The following EIF3K variants were observed in gnomAD, a reference collection of about 807,000 sequenced individuals.
EIF3K encodes eIF-3 p28.
In EIF3K, 27 loss-of-function variants were observed where a neutral mutation model predicts 34.2. The observed-to-expected ratio is 0.79, with a 90% CI of 0.58 to 1.09. EIF3K has a LOEUF of 1.09. Among genes scored for constraint, EIF3K ranks in the 50% least tolerant of loss-of-function variants. The pLI is 0.00. For synonymous variants in EIF3K, 105 were observed against 105.7 expected, an observed-to-expected ratio of 0.99 and a Z score of 0.04; for missense variants, 232 against 275.4, an observed-to-expected ratio of 0.84 and a Z score of 1.11.
chr19:38,634,338 C>G (rs1976140399), intron 6 of EIF3K, among the ~76,000 whole-genome samples: 1 of 149,332 alleles, frequency 6.7e-6, no homozygotes, highest in African/African-American at 2.5e-5. Flanking sequence ...GTGGCTCACA[C>G]CTGTAATCCC....
At chr19:38,636,080 G>A (rs183159425) in intron 7 of EIF3K, among the ~76,000 whole-genome samples, 115 of 152,356 alleles carry the variant, frequency 7.5e-4, no homozygotes, top group Admixed American at 1.2e-3. Context: ...TAAACGCCGC[G>A]TGACTGCTGT....
chr19:38,635,128 G>A lies in EIF3K; in HGVS notation c.625+10G>A, dbSNP rs1308971398. Reference sequence around the variant, plus strand: ...AAGATTGACTTTGACAGTGAGTGGTGACCCACGGCCTCGGGCTTTGGGGCT... The same window carrying A: ...AAGATTGACTTTGACAGTGAGTGGTAACCCACGGCCTCGGGCTTTGGGGCT... On this transcript the variant is annotated intron_variant, in intron 7 of 7. Coordinates refer to ENST00000248342, the MANE Select transcript of EIF3K (RefSeq NM_013234.4). 6.2e-7 allele frequency: 1 copy of A among 1,614,006 alleles called. No individual in the cohort carries two copies. The highest frequency in any genetic ancestry group is 1.3e-5 in the African/African-American group (1 of 74,954).
At chr19:38,620,492 C>A in intron 2 of EIF3K, 57 bp downstream of exon 2, 1 of 1,475,298 alleles carries the variant, frequency 6.8e-7, no homozygotes, top group Non-Finnish European at 9.4e-7. Context: ...GGGTGCCACT[C>A]CCAGTACAGG....
At chr19:38,620,554 A>C in intron 2 of EIF3K, 119 bp downstream of exon 2, 1 of 857,112 alleles carries the variant, frequency 1.2e-6, no homozygotes, top group Non-Finnish European at 1.8e-6. Context: ...CTTGGTGTGC[A>C]AGACTAGGAA....
At chr19:38,619,595 AAAAG>A (rs1343064520) in intron 1 of EIF3K, among the ~76,000 whole-genome samples, 2 of 152,206 alleles carry the variant, frequency 1.3e-5, no homozygotes, top group Non-Finnish European at 1.5e-5. Flanking sequence ...CCCCGTCTCT[AAAAG>A]AAAGAAACAA....
intron 3 of EIF3K, among the ~76,000 whole-genome samples, chr19:38,624,492 C>CT (rs1025198139): frequency 3.3e-5 from 5 of 152,190 alleles, no homozygotes; most frequent in South Asian, 2.1e-4. Flanking sequence ...AATCCCGGCA[C>CT]TTTGAGAGGT....
intron 2 of EIF3K, among the ~76,000 whole-genome samples, chr19:38,623,708 CTCTT>C (rs1470764579): frequency 3.3e-5 from 5 of 151,992 alleles, no homozygotes; most frequent in Admixed American, 3.3e-4. Context: ...CTTAATCTCT[CTCTT>C]CTCTGCTCCT....
chr19:38,635,216 T>C, intron 7 of EIF3K, 98 bp downstream of exon 7: 1 of 1,547,506 alleles, frequency 6.5e-7, no homozygotes, highest in Non-Finnish European at 8.8e-7. Context: ...GATCTGCTCG[T>C]GTTCTGGGCT....
intron 4 of EIF3K, 66 bp from the exon 5 acceptor site, chr19:38,632,360 TATAA>T (rs993339287): frequency 2.7e-6 from 4 of 1,478,742 alleles, no homozygotes; most frequent in African/African-American, 2.8e-5. Context: ...ACCCCATCTC[TATAA>T]ATAAATAAAA....
At chr19:38,621,145 A>G (rs1490965157) in intron 2 of EIF3K, among the ~76,000 whole-genome samples, 3 of 151,612 alleles carry the variant, frequency 2.0e-5, no homozygotes, top group Non-Finnish European at 4.4e-5. Flanking sequence ...GCAGTGAGCC[A>G]TGATAGTGCC....
At chr19:38,630,400 A>G (rs1184235996) in intron 4 of EIF3K, among the ~76,000 whole-genome samples, 2 of 147,612 alleles carry the variant, frequency 1.4e-5, no homozygotes, top group African/African-American at 5.0e-5. Context: ...GCTGGAGTTC[A>G]GTGGCACAAT....
At chr19:38,634,796 G>C (rs551937676) in intron 6 of EIF3K, among the ~76,000 whole-genome samples, 197 bp from the exon 7 acceptor site, 6 of 152,292 alleles carry the variant, frequency 3.9e-5, no homozygotes, top group Admixed American at 3.9e-4. Context: ...GGCTCCCTCT[G>C]GCGGCCATTC....
intron 4 of EIF3K, chr19:38,626,405 G>A (rs918324680): frequency 8.7e-6 from 3 of 344,424 alleles, no homozygotes; most frequent in Admixed American, 8.7e-5. Flanking sequence ...CGTGATTCCA[G>A]TACTTGTGGA....
At chr19:38,635,693 CACTT>C (rs2144785911) in intron 7 of EIF3K, 1 of 153,706 alleles carries the variant, frequency 6.5e-6, no homozygotes, top group South Asian at 2.0e-4. Context: ...GCATGTATAA[CACTT>C]AGCAAAGAGC....
intron 3 of EIF3K, among the ~76,000 whole-genome samples, chr19:38,625,518 C>CTTTTTT (rs58008087): frequency 6.9e-6 from 1 of 145,778 alleles, no homozygotes; most frequent in African/African-American, 2.6e-5. Context: ...TTAATATTTT[C>CTTTTTT]TTTTTTTTTG....
At chr19:38,635,481 G>A (rs1395036436) in intron 7 of EIF3K, 4 of 357,806 alleles carry the variant, frequency 1.1e-5, no homozygotes, top group Non-Finnish European at 2.0e-5. Context: ...CTTGGAATCC[G>A]GTGAACAGTA....
At chr19:38,632,282 T>A (rs1461325352) in intron 4 of EIF3K, 148 bp from the exon 5 acceptor site, 2 of 705,896 alleles carry the variant, frequency 2.8e-6, no homozygotes, top group East Asian at 5.5e-5. Flanking sequence ...TCTTAGCACT[T>A]TGGGGGGCTG....
At chr19:38,627,762 G>T (rs1320804695) in intron 4 of EIF3K, among the ~76,000 whole-genome samples, 1 of 151,884 alleles carries the variant, frequency 6.6e-6, no homozygotes, top group African/African-American at 2.4e-5. Context: ...TAACACAGAG[G>T]ATCCTTTGAC....
At position 38,635,090 on chromosome 19, in the gene EIF3K, G is replaced by A. The variant is rs1245572770; in HGVS notation, c.597G>A (p.Lys199=). 6.2e-7 allele frequency: 1 copy of A among 1,614,222 alleles called. No individual in the cohort carries two copies. Among genetic ancestry groups the A allele is most frequent in the Non-Finnish European group, 8.5e-7 (1 of 1,180,050 alleles). ...GCCAAGAAGAGAGCATTAAACCCAAGAACATTGTGGAGAAGATTGACTTTG... is the reference window on the plus strand; with the variant it reads ...GCCAAGAAGAGAGCATTAAACCCAAAAACATTGTGGAGAAGATTGACTTTG... ...ICSQEESIKP[K]NIVEKIDFDS... is the part of the protein sequence containing the mutation. Residue 199 remains lysine, a synonymous_variant, in exon 7 of 8, where the codon AAG becomes AAA. Coordinates refer to ENST00000248342, the MANE Select transcript of EIF3K (RefSeq NM_013234.4).
Sources: allele counts gnomAD v4.1 joint callset (sites outside exome capture counted in the v4.1 genomes callset), GRCh38; gene constraint gnomAD v4.1.1; transcripts MANE v1.5; gene names NCBI Gene and HGNC (gene_info 2026-07-23, HGNC 2026-07-21).